Variants in SYTL1 observed in about 807,000 individuals in gnomAD.
The protein encoded by SYTL1 is synaptotagmin like 1.
A neutral mutation model predicts 74.6 loss-of-function variants in SYTL1; 53 were observed. The ratio of observed to expected loss-of-function variants is 0.71; its 90% CI spans 0.57 to 0.89. The LOEUF (loss-of-function observed/expected upper bound fraction) is 0.89. Ranked by LOEUF, SYTL1 falls within the 40% of genes least tolerant of loss-of-function variation. SYTL1 has a pLI of 0.00. For missense variants in SYTL1, 728 were observed against 768.7 expected, an observed-to-expected ratio of 0.95 and a Z score of 0.63; for synonymous variants, 329 against 324.9, an observed-to-expected ratio of 1.01 and a Z score of -0.14.
At chr1:27,346,077 G>A (rs2014990459) in intron 2 of SYTL1, among the ~76,000 whole-genome samples, 1 of 152,082 alleles carries the variant, frequency 6.6e-6, no homozygotes, top group Admixed American at 6.6e-5. Flanking sequence ...CACCGTGCCT[G>A]GCCAGATCCG....
In SYTL1 at chr1:27,349,993, C is replaced by A. The variant is rs968552873; in HGVS notation, c.769C>A (p.Leu257Met). Residue 257 changes from leucine (L) to methionine (M), a missense_variant, in exon 9 of 15, where the codon CTG becomes ATG. Transcript: ENST00000616558. Reference protein sequence around the residue: ...SSTLSGSQMSLSGDAEAVQVR... With the variant: ...SSTLSGSQMSMSGDAEAVQVR... The stretch of plus-strand genomic sequence containing the variant: ...GCAGCTGAGCGGCAGCCAGATGAGC[C>A]TGTCAGGCGACGCGGAGGCGGTGCA... The A allele has an allele frequency of 2.2e-5, 35 of 1,570,492 alleles. No individual in the cohort carries two copies. Among genetic ancestry groups the A allele is most frequent in the Non-Finnish European group, 3.0e-5 (35 of 1,167,470 alleles).
Position 27,351,403 on chromosome 1 carries a change from T to A in SYTL1, c.1244-53T>A, listed in dbSNP as rs1027508912. ...AAGCGGGAGACTCCAGTCCCCGGGT[T>A]TGGGGGCGGTGGACTCCATCCGTGT... On this transcript the variant is annotated intron_variant, in intron 12 of 14. Coordinates refer to ENST00000616558, the MANE Select transcript of SYTL1 (RefSeq NM_001193308.2). The surrounding 1 kb of genome is among the most constrained non-coding windows in gnomAD (Gnocchi z 5.0). The A allele has an allele frequency of 1.9e-5, 29 of 1,505,164 alleles. No homozygotes were observed. Among genetic ancestry groups the A allele is most frequent in the Admixed American group, 1.5e-4 (7 of 46,658 alleles). 93.2% of individuals were successfully genotyped at this position (1,505,164 alleles called of 1,614,324 possible).
chr1:27,353,078 G>A (rs1391407430), intron 13 of SYTL1: 7 of 603,412 alleles, frequency 1.2e-5, no homozygotes, highest in African/African-American at 7.4e-5. Context: ...GAGCAACCTC[G>A]CCCGGCCAGG....
In SYTL1 at chr1:27,345,607, G is replaced by C. The variant is rs2014967857; in HGVS notation, c.191+82G>C. On this transcript the variant is annotated intron_variant, in intron 2 of 14. Coordinates refer to ENST00000616558, the MANE Select transcript of SYTL1 (RefSeq NM_001193308.2). The surrounding 1 kb of genome is among the most constrained non-coding windows in gnomAD (Gnocchi z 6.0). ...CTGCTCCCTACCGACACCACTGCCT[G>C]TCAGATGTCTGCGTGGTTCTTGGTT... 1 of 962,894 alleles carries C rather than the reference G, an allele frequency of 1.0e-6. No individual in the cohort carries two copies. The highest frequency in any genetic ancestry group is 2.8e-5 in the Admixed American group (1 of 35,150). 59.6% of individuals were successfully genotyped at this position (962,894 alleles called of 1,614,324 possible). A position where few individuals can be genotyped will look rare whatever the true frequency, so the allele number is the denominator to read the frequency against.
rs2014828485 is a variant in SYTL1, at chr1:27,342,784, C to T, written c.-39+634C>T. 6.6e-6 allele frequency among the ~76,000 whole-genome samples: 1 copy of T among 152,154 alleles called. No homozygotes were observed. The highest frequency in any genetic ancestry group is 2.1e-4 in the South Asian group (1 of 4,830). Reference sequence around the variant, plus strand: ...CGCAGACATGCCCACCAGACTCGGACCCACACAGCCACACAACAGGGCACA... The same window carrying T: ...CGCAGACATGCCCACCAGACTCGGATCCACACAGCCACACAACAGGGCACA... On this transcript the variant is annotated intron_variant, in intron 1 of 14. Transcript: ENST00000616558. The surrounding 1 kb of genome is among the most constrained non-coding windows in gnomAD (Gnocchi z 4.7).
intron 2 of SYTL1, among the ~76,000 whole-genome samples, chr1:27,346,028 G>A (rs541546092): frequency 1.0e-3 from 158 of 152,116 alleles, no homozygotes; most frequent in African/African-American, 3.6e-3. Context: ...TGATCCACCC[G>A]CCTCAGCCTC....
intron 6 of SYTL1, 53 bp downstream of exon 6, chr1:27,349,205 A>G: frequency 6.3e-7 from 1 of 1,579,966 alleles, no homozygotes; most frequent in South Asian, 1.1e-5. Flanking sequence ...GGTCAGAGGC[A>G]GCTCTAAGGG....
Position 27,345,279 on chromosome 1 carries a change from C to T in SYTL1, c.-38-18C>T. 7.4e-7 allele frequency: 1 copy of T among 1,344,730 alleles called. No homozygotes were observed. The highest frequency in any genetic ancestry group is 9.9e-7 in the Non-Finnish European group (1 of 1,010,448). 83.3% of individuals were successfully genotyped at this position (1,344,730 alleles called of 1,614,324 possible). ...AGCATTTGTGCAGGGCTTGACCTGA[C>T]CCTCGGTCTGCCCCCAGGAAGCTCC... On this transcript the variant is annotated intron_variant, in intron 1 of 14. Transcript: ENST00000616558. The surrounding 1 kb of genome is among the most constrained non-coding windows in gnomAD (Gnocchi z 6.0).
In SYTL1 at chr1:27,349,994, T is replaced by C; in HGVS notation, c.770T>C (p.Leu257Pro). 1.3e-6 allele frequency: 2 copies of C among 1,570,214 alleles called. No individual in the cohort carries two copies. The highest frequency in any genetic ancestry group is 1.7e-6 in the Non-Finnish European group (2 of 1,167,274). ...CAGCTGAGCGGCAGCCAGATGAGCC[T>C]GTCAGGCGACGCGGAGGCGGTGCAG... ...SSTLSGSQMS[L>P]SGDAEAVQVR... The change falls in exon 9 of 15, where the codon CTG (leucine) becomes CCG (proline). Residue 257 changes from leucine (L) to proline (P), a missense_variant. By Grantham distance (98) the Leu-to-Pro change is moderately conservative (BLOSUM62 -3). Transcript: ENST00000616558.
chr1:27,342,163 G>A lies in SYTL1; in HGVS notation c.-39+13G>A, dbSNP rs1394498616. ...TGGACCCCTACAGGTAACACGTGTCGGTGCCAGGGTCCCCTGCCAGGGTCC... is the reference window on the plus strand; with the variant it reads ...TGGACCCCTACAGGTAACACGTGTCAGTGCCAGGGTCCCCTGCCAGGGTCC... On this transcript the variant is annotated intron_variant, in intron 1 of 14. Coordinates refer to ENST00000616558, the MANE Select transcript of SYTL1 (RefSeq NM_001193308.2). This position sits in a 1 kb window ranked among gnomAD's most constrained non-coding sequence, Gnocchi z 4.7. 1.2e-5 allele frequency: 2 copies of A among 166,438 alleles called. No homozygotes were observed. The highest frequency in any genetic ancestry group is 2.9e-3 in the Middle Eastern group (1 of 348). The allele number at this position is 166,438 out of a possible 1,614,324, so 10.3% of individuals were successfully genotyped here.
In SYTL1 at chr1:27,347,637, G is replaced by T; in HGVS notation, c.340+68G>T. On this transcript the variant is annotated intron_variant, in intron 3 of 14. Transcript: ENST00000616558. The surrounding 1 kb of genome is among the most constrained non-coding windows in gnomAD (Gnocchi z 4.9). ...AGGGCGCTGGCTGTATGTGGACAGG[G>T]AGAGAGGACCACTAGGGCTCCAGTC... 1 of 1,575,802 alleles carries T rather than the reference G, an allele frequency of 6.3e-7. No individual in the cohort carries two copies. Among genetic ancestry groups the T allele is most frequent in the South Asian group, 1.2e-5 (1 of 86,064 alleles).
In SYTL1 at chr1:27,342,544, C is replaced by T. The variant is rs2014816115; in HGVS notation, c.-39+394C>T. Reference sequence around the variant, plus strand: ...ACACTCAGACACACACACCTGGTGGCCCCCAAGGCACCAGGGGACACCCCA... The same window carrying T: ...ACACTCAGACACACACACCTGGTGGTCCCCAAGGCACCAGGGGACACCCCA... On this transcript the variant is annotated intron_variant, in intron 1 of 14. Transcript: ENST00000616558. The surrounding 1 kb of genome is among the most constrained non-coding windows in gnomAD (Gnocchi z 4.7). 6.6e-6 allele frequency among the ~76,000 whole-genome samples: 1 copy of T among 152,138 alleles called. No homozygotes were observed.
Position 27,353,572 on chromosome 1 carries a change from G to A in SYTL1, c.1549+84G>A, listed in dbSNP as rs1355413264. On this transcript the variant is annotated intron_variant, in intron 14 of 14. Coordinates refer to ENST00000616558, the MANE Select transcript of SYTL1 (RefSeq NM_001193308.2). Reference sequence around the variant, plus strand: ...AGTGTGTGGCCCTGGATACCTCTCTGTCCTTTCCTGAGCTTTGATATCTAC... The same window carrying A: ...AGTGTGTGGCCCTGGATACCTCTCTATCCTTTCCTGAGCTTTGATATCTAC... The A allele has an allele frequency of 2.6e-6, 4 of 1,534,330 alleles. No individual in the cohort carries two copies. The Admixed American group carries it at 5.7e-5, about 22-fold the overall frequency.
Position 27,351,635 on chromosome 1 carries a change from A to C in SYTL1, c.1343+80A>C. 1 of 923,388 alleles carries C rather than the reference A, an allele frequency of 1.1e-6. No homozygotes were observed. Among genetic ancestry groups the C allele is most frequent in the Non-Finnish European group, 1.6e-6 (1 of 622,482 alleles). The allele number at this position is 923,388 out of a possible 1,614,324, so 57.2% of individuals were successfully genotyped here. On this transcript the variant is annotated intron_variant, in intron 13 of 14. Transcript: ENST00000616558. This position sits in a 1 kb window ranked among gnomAD's most constrained non-coding sequence, Gnocchi z 5.0. ...CAACCTCCACAAACCCTTACTAATCAACCTTTGATCACGCAGCCTGGGCTT... is the reference window on the plus strand; with the variant it reads ...CAACCTCCACAAACCCTTACTAATCCACCTTTGATCACGCAGCCTGGGCTT...
chr1:27,353,364 C>T lies in SYTL1; in HGVS notation c.1425C>T (p.His475=). The T allele has an allele frequency of 1.2e-6, 2 of 1,611,586 alleles. No individual in the cohort carries two copies. Among genetic ancestry groups the T allele is most frequent in the South Asian group, 1.1e-5 (1 of 90,294 alleles). Residue 475 remains histidine, a synonymous_variant, in exon 14 of 15, where the codon CAC becomes CAT. Coordinates refer to ENST00000616558, the MANE Select transcript of SYTL1 (RefSeq NM_001193308.2). The stretch of plus-strand genomic sequence containing the variant: ...GCAGCCTCAGCCCTGTGTTCAATCA[C>T]ACCATGGTGTACGATGGCTTTGGGC... ...VRRSLSPVFN[H]TMVYDGFGPA...
rs1571038415 is a variant in SYTL1 at position 27,349,106 on chromosome 1, C to T, written c.486C>T (p.Val162=). 1 of 1,613,968 alleles carries T rather than the reference C, an allele frequency of 6.2e-7. No individual in the cohort carries two copies. The highest frequency in any genetic ancestry group is 1.7e-5 in the Admixed American group (1 of 60,010). The change falls in exon 6 of 15, where the codon GTC becomes GTT. Residue 162 remains valine (V), a synonymous_variant. Transcript: ENST00000616558. ...GACCTGATTTCCCATCGCCTTCTGT[C>T]CCCCTAAAGGCTTCAGATCCTGAGG... ...TEGPDFPSPS[V]PLKASDPEEA... is the part of the protein sequence containing the mutation.
At position 27,347,997 on chromosome 1, in the gene SYTL1, G is replaced by T; in HGVS notation, c.444G>T (p.Arg148Ser). 6.2e-7 allele frequency: 1 copy of T among 1,614,188 alleles called. No homozygotes were observed. The highest frequency in any genetic ancestry group is 8.5e-7 in the Non-Finnish European group (1 of 1,180,010). ...RLTIDEAPQE[R>S]LRETEGPDFP... ...CCATTGATGAGGCCCCTCAGGAGAG[G>T]CTCAGGGAGACTGAGGTAAGTGAAT... is the stretch of plus-strand genomic sequence containing the variant. Residue 148 changes from arginine to serine, a missense_variant, in exon 5 of 15, where the codon AGG becomes AGT. Transcript: ENST00000616558. This position sits in a 1 kb window ranked among gnomAD's most constrained non-coding sequence, Gnocchi z 4.9.
chr1:27,345,618 G>C lies in SYTL1; in HGVS notation c.191+93G>C. 4 of 907,114 alleles carry C rather than the reference G, an allele frequency of 4.4e-6. No individual in the cohort carries two copies. Among genetic ancestry groups the C allele is most frequent in the Non-Finnish European group, 4.9e-6 (3 of 615,216 alleles). The allele number at this position is 907,114 out of a possible 1,614,324, so 56.2% of individuals were successfully genotyped here. On this transcript the variant is annotated intron_variant, in intron 2 of 14. Transcript: ENST00000616558. The surrounding 1 kb of genome is among the most constrained non-coding windows in gnomAD (Gnocchi z 6.0). ...CGACACCACTGCCTGTCAGATGTCT[G>C]CGTGGTTCTTGGTTTTGCCCTTCAG...
In SYTL1 at chr1:27,350,874, C is replaced by T; in HGVS notation, c.1086C>T (p.Ile362=). ...ACCGCGAAAGCCTGGGTCGCAACAT[C>T]TTTCTGGGCGAAGTTGAAGTGCCCC... The part of the protein sequence containing the change: ...VWHRESLGRN[I]FLGEVEVPLD... Residue 362 remains isoleucine, a synonymous_variant, in exon 11 of 15, where the codon ATC becomes ATT. Coordinates refer to ENST00000616558, the MANE Select transcript of SYTL1 (RefSeq NM_001193308.2). This position sits in a 1 kb window ranked among gnomAD's most constrained non-coding sequence, Gnocchi z 6.3. The T allele has an allele frequency of 1.9e-6, 3 of 1,613,874 alleles. No homozygotes were observed. The highest frequency in any genetic ancestry group is 2.5e-6 in the Non-Finnish European group (3 of 1,180,022).
Sources: gnomAD v4.1 joint callset for allele counts (sites outside exome capture counted in the v4.1 genomes callset) on GRCh38, gnomAD v4.1.1 for gene constraint, Gnocchi (gnomAD v3.1) non-coding constraint, MANE v1.5 for transcripts, NCBI Gene and HGNC (gene_info 2026-07-23, HGNC 2026-07-21) for gene names.